Variants in MAGI2 observed in about 807,000 individuals in gnomAD.
MAGI2 encodes the protein membrane-associated guanylate kinase, WW and PDZ domain-containing protein 2.
MAGI2 carries 35 observed loss-of-function variants against 133.3 expected under a neutral mutation model. The ratio of observed to expected loss-of-function variants is 0.26; its 90% CI spans 0.20 to 0.35. MAGI2 has a LOEUF of 0.35. MAGI2 is among the 10% of genes least tolerant of loss of function. The probability of loss-of-function intolerance (pLI) is 1.00; values close to 1 mark genes in which losing one functional copy is unlikely to be tolerated. For synonymous variants in MAGI2, 729 were observed against 710.6 expected, an observed-to-expected ratio of 1.03 and a Z score of -0.41; for missense variants, 1,636 against 1,863.4, an observed-to-expected ratio of 0.88 and a Z score of 2.25.
chr7:78,594,084 T>C (rs116355683), intron 3 of MAGI2, among the ~76,000 whole-genome samples: 27 of 152,208 alleles, frequency 1.8e-4, no homozygotes, highest in Admixed American at 1.8e-3. Flanking sequence ...ATGTACCTAG[T>C]CAACACCATC....
At chr7:79,311,321 C>G (rs1478663199) in intron 1 of MAGI2, among the ~76,000 whole-genome samples, 1 of 152,114 alleles carries the variant, frequency 6.6e-6, no homozygotes, top group Non-Finnish European at 1.5e-5. Flanking sequence ...TACACTAACA[C>G]TAATAATAGC....
intron 2 of MAGI2, among the ~76,000 whole-genome samples, chr7:78,784,203 G>GTTTTTTTT (rs36109639): frequency 6.8e-6 from 1 of 147,282 alleles, no homozygotes. Flanking sequence ...AATGTTTTAG[G>GTTTTTTTT]TTTTTTTTTT....
Position 79,209,730 on chromosome 7 carries a change from T to C in MAGI2, c.302-202524A>G, listed in dbSNP as rs1485101558. 2.0e-5 allele frequency among the ~76,000 whole-genome samples: 3 copies of C among 152,094 alleles called. No individual in the cohort carries two copies. In the East Asian group the frequency reaches 5.8e-4, roughly 29 times the overall value. Reference sequence around the variant, plus strand: ...ATATTGTGAACACAACTCCACATAATTCATATTTCTAAGAAAGTACATTGT... The same window carrying C: ...ATATTGTGAACACAACTCCACATAACTCATATTTCTAAGAAAGTACATTGT... On this transcript the variant is annotated intron_variant, in intron 1 of 21. Coordinates refer to ENST00000354212, the MANE Select transcript of MAGI2 (RefSeq NM_012301.4).
At chr7:78,952,667 T>G (rs1040271128) in intron 2 of MAGI2, among the ~76,000 whole-genome samples, 1 of 152,202 alleles carries the variant, frequency 6.6e-6, no homozygotes, top group African/African-American at 2.4e-5. Flanking sequence ...AAAAGACTCA[T>G]GAAATTGCTT....
chr7:78,769,261 A>ATTT (rs35038531), intron 2 of MAGI2, among the ~76,000 whole-genome samples: 1 of 149,342 alleles, frequency 6.7e-6, no homozygotes, highest in Non-Finnish European at 1.5e-5. Context: ...GCAAATATCT[A>ATTT]TTTTTTTTTT....
intron 1 of MAGI2, among the ~76,000 whole-genome samples, chr7:79,011,924 C>T (rs200763887): frequency 1.2e-3 from 151 of 121,248 alleles, no homozygotes; most frequent in African/African-American, 4.4e-3. Flanking sequence ...TTCCTTCCTT[C>T]CTTTCTTTCT....
At chr7:78,051,601 T>C (rs776872552) in intron 21 of MAGI2, among the ~76,000 whole-genome samples, 4 of 152,172 alleles carry the variant, frequency 2.6e-5, no homozygotes, top group Non-Finnish European at 5.9e-5. Flanking sequence ...AGATACATAT[T>C]TGAGACAGAG....
intron 1 of MAGI2, among the ~76,000 whole-genome samples, chr7:79,157,354 G>T (rs1426545376): frequency 6.6e-6 from 1 of 151,846 alleles, no homozygotes; most frequent in Non-Finnish European, 1.5e-5. Flanking sequence ...TTAAAAAAAA[G>T]TCTTGTCTAG....
At chr7:78,373,689 C>G (rs1160212913) in intron 6 of MAGI2, among the ~76,000 whole-genome samples, 1 of 151,974 alleles carries the variant, frequency 6.6e-6, no homozygotes, top group Non-Finnish European at 1.5e-5. Context: ...ATGAATGATC[C>G]CATCACCCAG....
At chr7:78,133,186 G>T (rs1053312803) in intron 17 of MAGI2, 126 bp from the exon 18 acceptor site, 5 of 687,946 alleles carry the variant, frequency 7.3e-6, no homozygotes, top group Non-Finnish European at 1.2e-5. Flanking sequence ...TTTCTGCTAG[G>T]TTTTTAGATA....
At chr7:78,534,571 A>G (rs1269487596) in intron 3 of MAGI2, among the ~76,000 whole-genome samples, 1 of 152,238 alleles carries the variant, frequency 6.6e-6, no homozygotes, top group African/African-American at 2.4e-5. Flanking sequence ...TTCTTTTCTC[A>G]GTTTAACCCA....
chr7:78,365,928 G>C (rs1793329881), intron 7 of MAGI2, among the ~76,000 whole-genome samples: 1 of 152,200 alleles, frequency 6.6e-6, no homozygotes, highest in Non-Finnish European at 1.5e-5. Context: ...TGATGTCACA[G>C]AGCCCAACCT....
At chr7:78,753,256 G>T (rs762118765) in intron 2 of MAGI2, among the ~76,000 whole-genome samples, 22 of 151,782 alleles carry the variant, frequency 1.4e-4, no homozygotes, top group Non-Finnish European at 2.5e-4. Context: ...TAAACAGACA[G>T]GAAATCTCTG....
At chr7:78,836,287 G>A (rs912845126) in intron 2 of MAGI2, among the ~76,000 whole-genome samples, 1 of 152,166 alleles carries the variant, frequency 6.6e-6, no homozygotes. Flanking sequence ...AGTTCAAAAA[G>A]TTGGACTTGA....
intron 3 of MAGI2, among the ~76,000 whole-genome samples, chr7:78,549,909 C>T (rs920159658): frequency 6.6e-6 from 1 of 152,106 alleles, no homozygotes; most frequent in Non-Finnish European, 1.5e-5. Context: ...TTAACTTCTA[C>T]TATGATCTGA....
intron 7 of MAGI2, among the ~76,000 whole-genome samples, chr7:78,346,652 G>A (rs1790942148): frequency 6.6e-6 from 1 of 152,224 alleles, no homozygotes; most frequent in Non-Finnish European, 1.5e-5. Context: ...GTAGGTATCA[G>A]ACGCAGAGTG....
At chr7:78,562,718 A>T (rs1180807471) in intron 3 of MAGI2, among the ~76,000 whole-genome samples, 1 of 152,176 alleles carries the variant, frequency 6.6e-6, no homozygotes, top group Non-Finnish European at 1.5e-5. Flanking sequence ...AGCCACTACA[A>T]GATAATGTCC....
At chr7:78,120,988 G>A (rs1820403267) in intron 20 of MAGI2, among the ~76,000 whole-genome samples, 1 of 97,766 alleles carries the variant, frequency 1.0e-5, no homozygotes, top group Non-Finnish European at 1.9e-5. Context: ...GCGACAGAGC[G>A]AGACTCCGTC....
At chr7:78,865,382 A>T (rs1351818616) in intron 2 of MAGI2, among the ~76,000 whole-genome samples, 2 of 152,116 alleles carry the variant, frequency 1.3e-5, no homozygotes, top group Non-Finnish European at 2.9e-5. Context: ...AGGAAATTTG[A>T]GGGACTGAGG....
Sources: gnomAD v4.1 joint callset for allele counts (sites outside exome capture counted in the v4.1 genomes callset) on GRCh38, gnomAD v4.1.1 for gene constraint, MANE v1.5 for transcripts, NCBI Gene and HGNC (gene_info 2026-07-23, HGNC 2026-07-21) for gene names.